The following MAP2K6 variants were observed in gnomAD, a reference collection of about 807,000 sequenced individuals.
The protein encoded by MAP2K6 is mitogen-activated protein kinase kinase 6.
MAP2K6 carries 16 observed loss-of-function variants against 53.7 expected under a neutral mutation model. The ratio of observed to expected loss-of-function variants is 0.30; its 90% CI spans 0.20 to 0.45. The LOEUF (loss-of-function observed/expected upper bound fraction) is 0.45, where lower values mean the gene tolerates loss of function less well. MAP2K6 is among the 20% of genes least tolerant of loss of function. MAP2K6 has a pLI of 1.00. For missense variants in MAP2K6, 204 were observed against 411.9 expected, an observed-to-expected ratio of 0.50 and a Z score of 4.37; for synonymous variants, 132 against 143.1, an observed-to-expected ratio of 0.92 and a Z score of 0.55.
chr17:69,432,226 G>A (rs1173386584), intron 1 of MAP2K6, among the ~76,000 whole-genome samples: 5 of 152,122 alleles, frequency 3.3e-5, no homozygotes, highest in Non-Finnish European at 7.4e-5. Context: ...CTCTGCATAA[G>A]GTTACATACT....
At chr17:69,445,586 G>A (rs997203773) in intron 1 of MAP2K6, among the ~76,000 whole-genome samples, 1 of 152,164 alleles carries the variant, frequency 6.6e-6, no homozygotes, top group African/African-American at 2.4e-5. Flanking sequence ...AGGAAGTAAC[G>A]TGTTTTGGGC....
intron 1 of MAP2K6, among the ~76,000 whole-genome samples, chr17:69,419,192 A>C (rs79423325): frequency 6.6e-6 from 1 of 152,336 alleles, no homozygotes; most frequent in Non-Finnish European, 1.5e-5. Context: ...GTTTTCAAAC[A>C]GTTTCCATTT....
chr17:69,466,674 G>C (rs1014309644), intron 1 of MAP2K6, among the ~76,000 whole-genome samples: 12 of 152,236 alleles, frequency 7.9e-5, no homozygotes, highest in Admixed American at 7.8e-4. Flanking sequence ...TTTTCTTACA[G>C]AAACAGGTTA....
chr17:69,551,190 C>G lies in MAP2K6; in HGVS notation c.*9437C>G, dbSNP rs1598330349. ...CTAGGTTTGCAGAGGCAGGAGTTACCGTTTTTGTTCATTGACCTATCAGAA... is the reference window on the plus strand; with the variant it reads ...CTAGGTTTGCAGAGGCAGGAGTTACGGTTTTTGTTCATTGACCTATCAGAA... On this transcript the variant is annotated 3_prime_UTR_variant, in exon 12 of 12. Coordinates refer to ENST00000590474, the MANE Select transcript of MAP2K6 (RefSeq NM_002758.4). 6.6e-6 allele frequency: 1 copy of G among 152,088 alleles called. No homozygotes were observed. Among genetic ancestry groups the G allele is most frequent in the Non-Finnish European group, 1.5e-5 (1 of 68,028 alleles). The allele number at this position is 152,088 out of a possible 1,614,324, so 9.4% of individuals were successfully genotyped here.
At chr17:69,417,854 G>A (rs1180258519) in intron 1 of MAP2K6, among the ~76,000 whole-genome samples, 1 of 152,150 alleles carries the variant, frequency 6.6e-6, no homozygotes, top group Non-Finnish European at 1.5e-5. Context: ...TACACAAAAA[G>A]TTTGACCCTG....
intron 1 of MAP2K6, among the ~76,000 whole-genome samples, chr17:69,452,519 C>T (rs1488066507): frequency 6.6e-6 from 1 of 152,134 alleles, no homozygotes; most frequent in Non-Finnish European, 1.5e-5. Context: ...GCCCTACCTG[C>T]CTCATAGGAA....
At chr17:69,499,914 G>A (rs1872235499) in intron 1 of MAP2K6, among the ~76,000 whole-genome samples, 1 of 152,200 alleles carries the variant, frequency 6.6e-6, no homozygotes, top group Non-Finnish European at 1.5e-5. Flanking sequence ...GTTGCAGGCT[G>A]AGTGTAAGGT....
chr17:69,525,052 A>G, intron 9 of MAP2K6, 74 bp downstream of exon 9: 1 of 1,288,548 alleles, frequency 7.8e-7, no homozygotes, highest in Non-Finnish European at 1.1e-6. Context: ...GTTGGGTTCA[A>G]GAAACAAATG....
chr17:69,499,039 G>T (rs1225484134), intron 1 of MAP2K6, among the ~76,000 whole-genome samples: 1 of 152,106 alleles, frequency 6.6e-6, no homozygotes, highest in Non-Finnish European at 1.5e-5. Flanking sequence ...GTTTAACTTA[G>T]GTTTAAAAAT....
chr17:69,461,273 T>C (rs1567826060), intron 1 of MAP2K6, among the ~76,000 whole-genome samples: 2 of 152,184 alleles, frequency 1.3e-5, no homozygotes, highest in Non-Finnish European at 2.9e-5. Flanking sequence ...GTTTATGTAC[T>C]CCTGGGTGTC....
intron 1 of MAP2K6, among the ~76,000 whole-genome samples, chr17:69,459,744 AAAGAAATACAC>A (rs1907551276): frequency 6.6e-6 from 1 of 151,498 alleles, no homozygotes; most frequent in Non-Finnish European, 1.5e-5. Context: ...AAGAGGAAAA[AAAGAAATACAC>A]AAGAAATACA....
At chr17:69,513,177 C>G (rs1489844183) in intron 2 of MAP2K6, among the ~76,000 whole-genome samples, 1 of 152,156 alleles carries the variant, frequency 6.6e-6, no homozygotes, top group African/African-American at 2.4e-5. Flanking sequence ...CAGTCTTGGC[C>G]CCATCATTTG....
At position 69,512,488 on chromosome 17, in the gene MAP2K6, C is replaced by T. The variant is rs989609587; in HGVS notation, c.84-4367C>T. 4.6e-5 allele frequency among the ~76,000 whole-genome samples: 7 copies of T among 151,364 alleles called. 1 individual carries two copies. Among genetic ancestry groups the T allele is most frequent in the South Asian group, 4.2e-4 (2 of 4,764 alleles). On this transcript the variant is annotated intron_variant, in intron 2 of 11. Transcript: ENST00000590474. The stretch of plus-strand genomic sequence containing the variant: ...CCAAGTAGCTGGGACTACAGGCACC[C>T]GCCACCATGCCCAGCTAAGTTTGTA...
intron 1 of MAP2K6, among the ~76,000 whole-genome samples, chr17:69,436,265 T>C (rs1044548895): frequency 3.3e-5 from 5 of 152,184 alleles, no homozygotes; most frequent in African/African-American, 1.2e-4. Context: ...AACTTTTACT[T>C]CCTTTCGCTC....
chr17:69,436,658 T>G lies in MAP2K6; in HGVS notation c.16+21658T>G, dbSNP rs146219467. On this transcript the variant is annotated intron_variant, in intron 1 of 11. Coordinates refer to ENST00000590474, the MANE Select transcript of MAP2K6 (RefSeq NM_002758.4). The stretch of plus-strand genomic sequence containing the variant: ...TTTTCTAGTCTTTCCTCTTCCTTCT[T>G]CTCATAGGAGAATATCTTGTCACAC... Among the ~76,000 whole-genome samples the G allele has an allele frequency of 2.0e-4, 30 of 152,264 alleles. No homozygotes were observed. The East Asian group carries it at 5.8e-3, about 29-fold the overall frequency.
rs71144698 is a variant in MAP2K6 at position 69,508,041 on chromosome 17, GTTTTTTTTTTTTT to G, written c.83+2210_83+2222del. Among the ~76,000 whole-genome samples the G allele has an allele frequency of 1.6e-4, 7 of 44,900 alleles. No homozygotes were observed. The East Asian group carries it at 6.8e-3, about 44-fold the overall frequency. 29.5% of individuals were successfully genotyped at this position (44,900 alleles called of 152,430 possible). A position where few individuals can be genotyped will look rare whatever the true frequency, so the allele number is the denominator to read the frequency against. On this transcript the variant is annotated intron_variant, in intron 2 of 11. Transcript: ENST00000590474. ...TCTGATGTGTAGTGATATATATGTA[GTTTTTTTTTTTTT>G]TTTTTTTTTTTTTTGAGACGGAGTT... is the stretch of plus-strand genomic sequence containing the variant.
chr17:69,472,413 C>T (rs900349384), intron 1 of MAP2K6, among the ~76,000 whole-genome samples: 7 of 152,146 alleles, frequency 4.6e-5, no homozygotes, highest in African/African-American at 1.7e-4. Flanking sequence ...AAAACAAAAT[C>T]GGTTCCCAAC....
intron 1 of MAP2K6, among the ~76,000 whole-genome samples, chr17:69,423,503 G>A (rs1006399490): frequency 6.6e-6 from 1 of 152,178 alleles, no homozygotes; most frequent in African/African-American, 2.4e-5. Context: ...TTATTCCATC[G>A]AATACTGGGG....
rs1383808099 is a variant in MAP2K6 at position 69,543,140 on chromosome 17, AG to A, written c.*1389del. The A allele has an allele frequency of 6.6e-6, 1 of 152,194 alleles. No individual in the cohort carries two copies. Among genetic ancestry groups the A allele is most frequent in the Non-Finnish European group, 1.5e-5 (1 of 68,038 alleles). The allele number at this position is 152,194 out of a possible 1,614,324, so 9.4% of individuals were successfully genotyped here. The stretch of plus-strand genomic sequence containing the variant: ...GTAGCTCTAGGTTTCTTGATGATCA[AG>A]GAGTGAAGTAATTGACAGGGAAAAT... On this transcript the variant is annotated 3_prime_UTR_variant, in exon 12 of 12. Transcript: ENST00000590474.
Sources: allele counts gnomAD v4.1 joint callset (sites outside exome capture counted in the v4.1 genomes callset), GRCh38; gene constraint gnomAD v4.1.1; transcripts MANE v1.5; gene names NCBI Gene and HGNC (gene_info 2026-07-23, HGNC 2026-07-21).